Variants in TNNI2 observed in about 807,000 individuals in gnomAD.
TNNI2 encodes the protein troponin I, fast skeletal muscle.
Under a neutral mutation model 26.5 loss-of-function variants are expected in TNNI2, and 14 were observed. That is an observed-to-expected ratio of 0.53 (90% CI 0.35 to 0.83). TNNI2 has a LOEUF of 0.83. TNNI2 is among the 40% of genes least tolerant of loss of function. TNNI2 has a pLI of 0.01. For synonymous variants in TNNI2, 126 were observed against 97.6 expected (o/e 1.29, Z -1.71); for missense variants, 205 against 248.5 (o/e 0.82, Z 1.18).
chr11:1,839,992 C>A, intron 3 of TNNI2, 137 bp downstream of exon 3: 1 of 1,358,856 alleles, frequency 7.4e-7, no homozygotes, highest in Non-Finnish European at 1.0e-6. Context: ...AGTGCCCCAC[C>A]CACCCACCAA....
rs905581654 is a variant in TNNI2, at chr11:1,841,633, G to A, written c.*82G>A. On this transcript the variant is annotated 3_prime_UTR_variant, in exon 8 of 8. Transcript: ENST00000381911. ...GGAGATGCACCCAGAGCCTGCCAGGGAGGGCTGGCCTCACCACCACCGTCA... is the reference window on the plus strand; with the variant it reads ...GGAGATGCACCCAGAGCCTGCCAGGAAGGGCTGGCCTCACCACCACCGTCA... 6 of 1,331,752 alleles carry A rather than the reference G, an allele frequency of 4.5e-6. No homozygotes were observed. The highest frequency in any genetic ancestry group is 6.4e-6 in the Non-Finnish European group (6 of 933,692). The allele number at this position is 1,331,752 out of a possible 1,614,324, so 82.5% of individuals were successfully genotyped here.
intron 7 of TNNI2, 104 bp downstream of exon 7, chr11:1,841,311 C>T (rs1374411665): frequency 5.2e-6 from 8 of 1,541,406 alleles, no homozygotes; most frequent in Middle Eastern, 2.1e-4. Context: ...CTGCCGGGGG[C>T]CCTGTACCAC....
At position 1,841,537 on chromosome 11, in the gene TNNI2, G is replaced by A; in HGVS notation, c.535G>A (p.Glu179Lys). ...CATGGAGGGCCGGAAGAAGATGTTT[G>A]AGTCCGAGTCCTAGGCCACTCGCTG... ...SGMEGRKKMF[E>K]SES The change falls in exon 8 of 8, where the codon GAG (glutamate) becomes AAG (lysine). Residue 179 changes from glutamate to lysine, a missense_variant. Glu to Lys is a moderately conservative substitution (Grantham distance 56). Transcript: ENST00000381911. 6.2e-7 allele frequency: 1 copy of A among 1,614,120 alleles called. No individual in the cohort carries two copies. The highest frequency in any genetic ancestry group is 8.5e-7 in the Non-Finnish European group (1 of 1,179,982).
Position 1,841,185 on chromosome 11 carries a change from T to C in TNNI2, c.431T>C (p.Val144Ala). The C allele has an allele frequency of 6.2e-7, 1 of 1,612,826 alleles. No individual in the cohort carries two copies. The highest frequency in any genetic ancestry group is 2.2e-5 in the East Asian group (1 of 44,870). ...CMDLRANLKQVKKEDTEKERD... is the reference protein window; with the variant it reads ...CMDLRANLKQAKKEDTEKERD... ...GACCTGAGGGCCAACCTGAAGCAGG[T>C]CAAGAAGGAGGACACAGAGAAGGTG... The change falls in exon 7 of 8, where the codon GTC becomes GCC. Residue 144 changes from valine to alanine, a missense_variant. Val to Ala is a moderately conservative substitution (Grantham distance 64). Transcript: ENST00000381911.
rs767218245 is a variant in TNNI2 at position 1,840,537 on chromosome 11, C to T, written c.67C>T (p.Leu23=). The T allele has an allele frequency of 6.2e-7, 1 of 1,612,362 alleles. No homozygotes were observed. The highest frequency in any genetic ancestry group is 8.5e-7 in the Non-Finnish European group (1 of 1,179,730). ...ARRQHLKSVM[L]QIAATELEKE... ...GCCTGCCCCACCGCAGAGTGTGATG[C>T]TGCAGATAGCGGCCACGGAGCTGGA... The change falls in exon 5 of 8, where the codon CTG becomes TTG. Residue 23 remains leucine (L), a synonymous_variant. Transcript: ENST00000381911.
chr11:1,839,337 G>A, intron 1 of TNNI2: 1 of 358,774 alleles, frequency 2.8e-6, no homozygotes, highest in South Asian at 3.6e-5. Context: ...TTTCTTCCAT[G>A]CACTTAGGCC....
intron 3 of TNNI2, 27 bp downstream of exon 3, chr11:1,839,882 A>G (rs1368576549): frequency 6.2e-7 from 1 of 1,613,536 alleles, no homozygotes; most frequent in Non-Finnish European, 8.5e-7. Context: ...GGCTCAAAAC[A>G]TGACGAGGAG....
intron 3 of TNNI2, chr11:1,840,178 C>G: frequency 6.4e-7 from 1 of 1,551,080 alleles, no homozygotes; most frequent in Non-Finnish European, 8.7e-7. Context: ...TCTGGCCTCC[C>G]AGCACCATGT....
rs368738812 is a variant in TNNI2, at chr11:1,839,862, A to G, written c.15+7A>G. Reference sequence around the variant, plus strand: ...CTCCCTGGACAGTGAGGAGGTAAGTAGTTGCTGGGGGCTCAAAACATGACG... The same window carrying G: ...CTCCCTGGACAGTGAGGAGGTAAGTGGTTGCTGGGGGCTCAAAACATGACG... On this transcript the variant is annotated splice_region_variant and intron_variant, in intron 3 of 7. Transcript: ENST00000381911. 1.9e-6 allele frequency: 3 copies of G among 1,613,626 alleles called. No individual in the cohort carries two copies. Among genetic ancestry groups the G allele is most frequent in the Admixed American group, 1.7e-5 (1 of 59,986 alleles).
rs553743137 is a variant in TNNI2, at chr11:1,840,234, G to T, written c.16-169G>T. Reference sequence around the variant, plus strand: ...ACACCACACAGCACCATGTCCCAGTGCAAGGTCTGGGGCCAGGGAGGCCCA... The same window carrying T: ...ACACCACACAGCACCATGTCCCAGTTCAAGGTCTGGGGCCAGGGAGGCCCA... On this transcript the variant is annotated intron_variant, in intron 3 of 7. Transcript: ENST00000381911. The T allele has an allele frequency of 7.1e-6, 11 of 1,550,954 alleles. No individual in the cohort carries two copies. The African/African-American group carries it at 9.6e-5, about 13-fold the overall frequency.
At chr11:1,839,498 G>C (rs2133032401) in intron 1 of TNNI2, 177 bp from the exon 2 acceptor site, 1 of 630,756 alleles carries the variant, frequency 1.6e-6, no homozygotes, top group Non-Finnish European at 2.8e-6. Flanking sequence ...TCTCACCCTG[G>C]GGAATTCCAA....
Position 1,839,709 on chromosome 11 carries a change from G to A in TNNI2, c.8+5G>A, listed in dbSNP as rs1268848478. On this transcript the variant is annotated splice_donor_5th_base_variant and intron_variant, in intron 2 of 7. Transcript: ENST00000381911. Reference sequence around the variant, plus strand: ...TCAGGACCTCAGGATGGGAGAGTAAGTGGTACCCCTGTACCCCCATACAGT... The same window carrying A: ...TCAGGACCTCAGGATGGGAGAGTAAATGGTACCCCTGTACCCCCATACAGT... The A allele has an allele frequency of 6.2e-7, 1 of 1,613,806 alleles. No homozygotes were observed. The highest frequency in any genetic ancestry group is 1.1e-5 in the South Asian group (1 of 91,072).
Position 1,840,854 on chromosome 11 carries a change from G to A in TNNI2, c.222G>A (p.Ala74=), listed in dbSNP as rs202072146. The change falls in exon 6 of 8, where the codon GCG becomes GCA. Residue 74 remains alanine, a synonymous_variant. Transcript: ENST00000381911. ...LCKQLHAKID[A]AEEEKYDMEV... Reference sequence around the variant, plus strand: ...AACAGCTGCACGCCAAGATCGATGCGGCTGAAGAGGAGAAGTACGACATGG... The same window carrying A: ...AACAGCTGCACGCCAAGATCGATGCAGCTGAAGAGGAGAAGTACGACATGG... 12 of 1,613,356 alleles carry A rather than the reference G, an allele frequency of 7.4e-6. No homozygotes were observed. In the African/African-American group the frequency reaches 8.0e-5, roughly 11 times the overall value.
rs531628317 is a variant in TNNI2, at chr11:1,840,856, C to G, written c.224C>G (p.Ala75Gly). The change falls in exon 6 of 8, where the codon GCT becomes GGT. Residue 75 changes from alanine (A) to glycine (G), a missense_variant. Physicochemically the swap from Ala to Gly is moderately conservative, Grantham distance 60 (BLOSUM62 0). Coordinates refer to ENST00000381911, the MANE Select transcript of TNNI2 (RefSeq NM_003282.4). ...CAGCTGCACGCCAAGATCGATGCGG[C>G]TGAAGAGGAGAAGTACGACATGGAG... ...CKQLHAKIDA[A>G]EEEKYDMEVR... The G allele has an allele frequency of 6.2e-7, 1 of 1,613,438 alleles. No individual in the cohort carries two copies. Among genetic ancestry groups the G allele is most frequent in the Non-Finnish European group, 8.5e-7 (1 of 1,179,874 alleles).
At chr11:1,840,721 C>G (rs1267420858) in intron 5 of TNNI2, 65 bp downstream of exon 5, 4 of 1,610,780 alleles carry the variant, frequency 2.5e-6, no homozygotes, top group Non-Finnish European at 3.4e-6. Flanking sequence ...CTCAGTTTCC[C>G]CACTTGTCAA....
In TNNI2 at chr11:1,841,140, C is replaced by T. The variant is rs368703270; in HGVS notation, c.386C>T (p.Ser129Leu). The stretch of plus-strand genomic sequence containing the variant: ...GCCATGCTCAAGGCCCTGCTGGGCT[C>T]GAAGCACAAGGTGTGCATGGACCTG... ...ADAMLKALLG[S>L]KHKVCMDLRA... Residue 129 changes from serine (S) to leucine (L), a missense_variant, in exon 7 of 8, where the codon TCG becomes TTG. Physicochemically the swap from Ser to Leu is moderately radical, Grantham distance 145. Transcript: ENST00000381911. The T allele has an allele frequency of 1.2e-5, 20 of 1,613,126 alleles. No homozygotes were observed. Among genetic ancestry groups the T allele is most frequent in the Admixed American group, 3.3e-5 (2 of 60,008 alleles).
At chr11:1,840,753 G>T in intron 5 of TNNI2, 66 bp from the exon 6 acceptor site, 1 of 1,602,498 alleles carries the variant, frequency 6.2e-7, no homozygotes, top group South Asian at 1.1e-5. Flanking sequence ...GGGTGGTCAG[G>T]GCAGGGGCAG....
In TNNI2 at chr11:1,839,574, G is replaced by A; in HGVS notation, c.-22-101G>A. The stretch of plus-strand genomic sequence containing the variant: ...GAGAGTAGGGGGTGGGCGGGAGGGG[G>A]CTGTCATCAGGAGCCCTGAACCCCT... On this transcript the variant is annotated intron_variant, in intron 1 of 7. Coordinates refer to ENST00000381911, the MANE Select transcript of TNNI2 (RefSeq NM_003282.4). 4.9e-6 allele frequency: 6 copies of A among 1,232,680 alleles called. No individual in the cohort carries two copies. The South Asian group carries it at 6.6e-5, about 14-fold the overall frequency. 76.4% of individuals were successfully genotyped at this position (1,232,680 alleles called of 1,614,324 possible).
rs763075045 is a variant in TNNI2 at position 1,840,577 on chromosome 11, G to A, written c.107G>A (p.Arg36His). 66 of 1,612,608 alleles carry A rather than the reference G, an allele frequency of 4.1e-5. No individual in the cohort carries two copies. Among genetic ancestry groups the A allele is most frequent in the Non-Finnish European group, 5.4e-5 (64 of 1,179,850 alleles). The change falls in exon 5 of 8, where the codon CGC becomes CAC. Residue 36 changes from arginine (R) to histidine (H), a missense_variant. By Grantham distance (29) the Arg-to-His change is conservative. Coordinates refer to ENST00000381911, the MANE Select transcript of TNNI2 (RefSeq NM_003282.4). ...AATELEKEES[R>H]REAEKQNYLA... is the part of the protein sequence containing the mutation. Reference sequence around the variant, plus strand: ...ACGGAGCTGGAGAAGGAGGAGAGCCGCCGTGAGGCAGAGAAGCAGAACTAC... The same window carrying A: ...ACGGAGCTGGAGAAGGAGGAGAGCCACCGTGAGGCAGAGAAGCAGAACTAC...
Sources: gnomAD v4.1 joint callset for allele counts on GRCh38, gnomAD v4.1.1 for gene constraint, MANE v1.5 for transcripts, NCBI Gene and HGNC (gene_info 2026-07-23, HGNC 2026-07-21) for gene names.